PTPRO: variants seen among roughly 807,000 people sequenced by gnomAD.
The protein encoded by PTPRO is protein tyrosine phosphatase receptor type O.
In PTPRO, 62 loss-of-function variants were observed where a neutral mutation model predicts 145.2. The observed-to-expected ratio is 0.43, with a 90% confidence interval of 0.35 to 0.53. PTPRO has a LOEUF of 0.53. Among genes scored for constraint, PTPRO ranks in the 20% least tolerant of loss-of-function variants. PTPRO has a pLI of 0.01. For synonymous variants in PTPRO, 565 were observed against 514.7 expected, an observed-to-expected ratio of 1.10 and a Z score of -1.32; for missense variants, 1,345 against 1,482.7, an observed-to-expected ratio of 0.91 and a Z score of 1.53.
At chr12:15,483,859 A>G (rs894987938) in intron 1 of PTPRO, 115 bp from the exon 2 acceptor site, 6 of 1,143,478 alleles carry the variant, frequency 5.2e-6, no homozygotes, top group African/African-American at 4.6e-5. Context: ...GGCTTACCAT[A>G]AACATAACTA....
Position 15,484,179 on chromosome 12 carries a change from T to G in PTPRO, c.281T>G (p.Ile94Arg), listed in dbSNP as rs1565656911. 6.2e-7 allele frequency: 1 copy of G among 1,613,634 alleles called. No individual in the cohort carries two copies. Among genetic ancestry groups the G allele is most frequent in the Non-Finnish European group, 8.5e-7 (1 of 1,179,704 alleles). Reference sequence around the variant, plus strand: ...GCCAGTTATCATGGCCTTTATTATATAATCACTCTGGTAGTGGTAAATGGA... The same window carrying G: ...GCCAGTTATCATGGCCTTTATTATAGAATCACTCTGGTAGTGGTAAATGGA... ...FKASYHGLYYIITLVVVNGNV... is the reference protein window; with the variant it reads ...FKASYHGLYYRITLVVVNGNV... The change falls in exon 2 of 27, where the codon ATA (isoleucine) becomes AGA (arginine). Residue 94 changes from isoleucine (I) to arginine (R), a missense_variant. Transcript: ENST00000281171.
chr12:15,414,285 T>C (rs1332499538), intron 1 of PTPRO, among the ~76,000 whole-genome samples: 1 of 152,214 alleles, frequency 6.6e-6, no homozygotes, highest in African/African-American at 2.4e-5. Flanking sequence ...TTTCGATTTA[T>C]GTATTACAAG....
At chr12:15,461,609 C>T (rs1941304718) in intron 1 of PTPRO, among the ~76,000 whole-genome samples, 1 of 138,838 alleles carries the variant, frequency 7.2e-6, no homozygotes, top group Non-Finnish European at 1.5e-5. Context: ...CGCTCTGTCG[C>T]CAGGCTGGAG....
At chr12:15,355,686 A>G (rs771626083) in intron 1 of PTPRO, among the ~76,000 whole-genome samples, 38 of 152,218 alleles carry the variant, frequency 2.5e-4, no homozygotes, top group Non-Finnish European at 5.4e-4. Flanking sequence ...AACCATTTTA[A>G]TGTGATATTC....
intron 25 of PTPRO, among the ~76,000 whole-genome samples, chr12:15,590,588 T>C (rs1944530329): frequency 6.6e-6 from 1 of 152,204 alleles, no homozygotes; most frequent in African/African-American, 2.4e-5. Flanking sequence ...TGTTTCTGCT[T>C]TCCCACTCCT....
At chr12:15,423,105 A>G (rs1234820558) in intron 1 of PTPRO, among the ~76,000 whole-genome samples, 1 of 152,184 alleles carries the variant, frequency 6.6e-6, no homozygotes. Context: ...TGAAGCAAAA[A>G]CTGGGAAGAA....
chr12:15,589,614 T>G, intron 25 of PTPRO, 24 bp downstream of exon 25: 1 of 1,613,396 alleles, frequency 6.2e-7, no homozygotes, highest in Non-Finnish European at 8.5e-7. Context: ...CTATATGTAT[T>G]TTTAAATTTT....
chr12:15,536,053 T>TTAA (rs33973759), intron 12 of PTPRO, among the ~76,000 whole-genome samples: 40,786 of 152,070 alleles, frequency 0.27, 5,502 homozygotes, highest in Middle Eastern at 0.35. Context: ...TATACTTTTT[T>TTAA]AAAAAATTAT....
At chr12:15,354,799 C>G (rs924266503) in intron 1 of PTPRO, among the ~76,000 whole-genome samples, 1 of 152,142 alleles carries the variant, frequency 6.6e-6, no homozygotes, top group African/African-American at 2.4e-5. Flanking sequence ...ATGACAAAAA[C>G]AAGGCTTAGG....
chr12:15,592,391 T>G (rs772844780), intron 25 of PTPRO, among the ~76,000 whole-genome samples: 3 of 152,212 alleles, frequency 2.0e-5, no homozygotes, highest in Non-Finnish European at 4.4e-5. Context: ...TCAACCCACA[T>G]AGACCATATT....
intron 15 of PTPRO, among the ~76,000 whole-genome samples, chr12:15,557,037 T>TG (rs902595586): frequency 7.3e-5 from 11 of 151,552 alleles, no homozygotes; most frequent in Admixed American, 5.3e-4. Context: ...ATTTTGTTTT[T>TG]TTTTTTTTTC....
intron 1 of PTPRO, among the ~76,000 whole-genome samples, chr12:15,436,929 C>A (rs1292790243): frequency 2.0e-5 from 3 of 152,180 alleles, no homozygotes; most frequent in African/African-American, 7.2e-5. Context: ...CAGCCAGGGC[C>A]AGCTTGGCAA....
At chr12:15,419,885 C>T (rs1940088430) in intron 1 of PTPRO, among the ~76,000 whole-genome samples, 1 of 151,500 alleles carries the variant, frequency 6.6e-6, no homozygotes, top group Admixed American at 6.6e-5. Context: ...CAGTGGCTCA[C>T]GCCTGTAATC....
intron 12 of PTPRO, among the ~76,000 whole-genome samples, chr12:15,532,266 A>C (rs1315531557): frequency 6.6e-6 from 1 of 152,186 alleles, no homozygotes; most frequent in Non-Finnish European, 1.5e-5. Flanking sequence ...ATAATTTTAA[A>C]TACTATCTTA....
chr12:15,560,513 GT>G (rs1454241677), intron 17 of PTPRO, among the ~76,000 whole-genome samples: 2 of 151,954 alleles, frequency 1.3e-5, no homozygotes, highest in African/African-American at 4.8e-5. Flanking sequence ...TTTAGTACTA[GT>G]TATTTGTTTC....
At chr12:15,351,780 G>T (rs1937810099) in intron 1 of PTPRO, among the ~76,000 whole-genome samples, 1 of 151,876 alleles carries the variant, frequency 6.6e-6, no homozygotes, top group South Asian at 2.1e-4. Context: ...TAACCTATAG[G>T]GATTTAACAA....
chr12:15,401,150 T>C (rs146465003), intron 1 of PTPRO, among the ~76,000 whole-genome samples: 1 of 152,266 alleles, frequency 6.6e-6, no homozygotes, highest in East Asian at 1.9e-4. Flanking sequence ...TTATCTCAAA[T>C]ATTGCCAGTC....
chr12:15,440,299 T>A, intron 1 of PTPRO: 6 of 541,140 alleles, frequency 1.1e-5, no homozygotes, highest in Non-Finnish European at 3.3e-6. Context: ...GGAAGGAGAC[T>A]GTATTCACCA....
intron 23 of PTPRO, among the ~76,000 whole-genome samples, chr12:15,584,048 T>C (rs1293136506): frequency 6.6e-6 from 1 of 152,186 alleles, no homozygotes; most frequent in Non-Finnish European, 1.5e-5. Context: ...TCTCTGGGCT[T>C]GGACACCGTT....
Sources: allele counts gnomAD v4.1 joint callset (sites outside exome capture counted in the v4.1 genomes callset), GRCh38; gene constraint gnomAD v4.1.1; transcripts MANE v1.5; gene names NCBI Gene and HGNC (gene_info 2026-07-23, HGNC 2026-07-21).